Variants in CCDC146 observed in about 807,000 individuals in gnomAD.
CCDC146 encodes the protein coiled-coil domain-containing protein 146.
CCDC146 carries 92 observed loss-of-function variants against 119.3 expected under a neutral mutation model. That is an observed-to-expected ratio of 0.77 (90% CI 0.65 to 0.92). The LOEUF is 0.92. Ranked by LOEUF, CCDC146 falls within the 40% of genes least tolerant of loss-of-function variation. The pLI is 0.00. For missense variants in CCDC146, 1,000 were observed against 1,103.0 expected (o/e 0.91, Z 1.32); for synonymous variants, 372 against 371.8 (o/e 1.00, Z -0.01).
At chr7:77,208,514 T>A (rs560882990) in intron 2 of CCDC146, among the ~76,000 whole-genome samples, 1 of 152,328 alleles carries the variant, frequency 6.6e-6, no homozygotes, top group Admixed American at 6.5e-5. Context: ...GATATTATAA[T>A]CTTATGGCAC....
chr7:77,295,134 G>A lies in CCDC146; in HGVS notation c.*268G>A. 1 of 326,276 alleles carries A rather than the reference G, an allele frequency of 3.1e-6. No individual in the cohort carries two copies. Among genetic ancestry groups the A allele is most frequent in the Non-Finnish European group, 5.6e-6 (1 of 177,328 alleles). The allele number at this position is 326,276 out of a possible 1,614,324, so 20.2% of individuals were successfully genotyped here. The stretch of plus-strand genomic sequence containing the variant: ...TTTTCTTTTTCACTCTTTATATTGA[G>A]TACATTCCAGAAATTTGTAGTAGGC... On this transcript the variant is annotated 3_prime_UTR_variant, in exon 19 of 19. Coordinates refer to ENST00000285871, the MANE Select transcript of CCDC146 (RefSeq NM_020879.3).
Position 77,241,096 on chromosome 7 carries a change from C to T in CCDC146, c.240-595C>T, listed in dbSNP as rs1447499081. Among the ~76,000 whole-genome samples, 4 of 94,754 alleles carry T rather than the reference C, an allele frequency of 4.2e-5. No individual in the cohort carries two copies. The East Asian group carries it at 1.3e-3, about 31-fold the overall frequency. The allele number at this position is 94,754 out of a possible 152,430, so 62.2% of individuals were successfully genotyped here. On this transcript the variant is annotated intron_variant, in intron 3 of 18. Coordinates refer to ENST00000285871, the MANE Select transcript of CCDC146 (RefSeq NM_020879.3). ...CGGCTGAGATGGAGTCTCACTCTGT[C>T]GCCCAGGCGGGAGTGCAGTGGCTCA...
chr7:77,294,572 G>T, intron 18 of CCDC146, 91 bp from the exon 19 acceptor site: 2 of 1,275,160 alleles, frequency 1.6e-6, no homozygotes, highest in South Asian at 1.3e-5. Context: ...GTCAAAGACT[G>T]TCCAGACCAG....
chr7:77,260,800 T>A (rs1249256350), intron 8 of CCDC146, among the ~76,000 whole-genome samples: 1 of 152,092 alleles, frequency 6.6e-6, no homozygotes, highest in Non-Finnish European at 1.5e-5. Flanking sequence ...CTAATTTTTT[T>A]TTTTCTTCTC....
intron 3 of CCDC146, 27 bp downstream of exon 3, chr7:77,237,056 T>C: frequency 1.3e-6 from 2 of 1,566,026 alleles, no homozygotes; most frequent in Non-Finnish European, 1.8e-6. Flanking sequence ...TATGGAGACA[T>C]GATTAATCAC....
chr7:77,264,846 A>C (rs1197095587), intron 9 of CCDC146, among the ~76,000 whole-genome samples: 1 of 152,194 alleles, frequency 6.6e-6, no homozygotes, highest in Admixed American at 6.5e-5. Flanking sequence ...GATATGCATC[A>C]GTTAGTTTTA....
At chr7:77,157,013 A>C (rs529896418) in intron 1 of CCDC146, among the ~76,000 whole-genome samples, 17 of 136,780 alleles carry the variant, frequency 1.2e-4, no homozygotes, top group African/African-American at 5.1e-4. Context: ...TTAACATGTT[A>C]GGAAACTAAA....
At chr7:77,251,132 C>T (rs958062375) in intron 4 of CCDC146, among the ~76,000 whole-genome samples, 1 of 151,958 alleles carries the variant, frequency 6.6e-6, no homozygotes, top group African/African-American at 2.4e-5. Context: ...AGATAATCTC[C>T]TGCCTCAGCT....
intron 1 of CCDC146, among the ~76,000 whole-genome samples, chr7:77,141,256 T>C (rs1480595724): frequency 6.6e-6 from 1 of 152,222 alleles, no homozygotes; most frequent in African/African-American, 2.4e-5. Context: ...AACTCATCCT[T>C]TTTTATGGCT....
At chr7:77,259,145 T>C (rs78249150) in intron 7 of CCDC146, 77 bp downstream of exon 7, 9,079 of 815,824 alleles carry the variant, frequency 0.011, 150 homozygotes, top group Non-Finnish European at 9.3e-3. Context: ...GTACTAACCA[T>C]TGGACACATT....
chr7:77,162,776 A>G (rs544370001), intron 1 of CCDC146, among the ~76,000 whole-genome samples: 2 of 152,126 alleles, frequency 1.3e-5, no homozygotes, highest in South Asian at 4.2e-4. Flanking sequence ...ATAACATGGG[A>G]TACCTTTCCA....
chr7:77,270,338 C>T lies in CCDC146; in HGVS notation c.1174-3356C>T, dbSNP rs1270718360. Among the ~76,000 whole-genome samples the T allele has an allele frequency of 4.5e-4, 67 of 148,224 alleles. No individual in the cohort carries two copies. The East Asian group carries it at 9.2e-3, about 20-fold the overall frequency. ...GAAGCAGATTTTTTTTTTTTTTTTA[C>T]TTTACACATTTCTGTTGTTTGGTCA... On this transcript the variant is annotated intron_variant, in intron 9 of 18. Coordinates refer to ENST00000285871, the MANE Select transcript of CCDC146 (RefSeq NM_020879.3).
chr7:77,209,557 C>G (rs144062103), intron 2 of CCDC146, among the ~76,000 whole-genome samples: 3,816 of 152,296 alleles, frequency 0.025, 145 homozygotes, highest in East Asian at 0.14. Context: ...GACGATGGCC[C>G]TCTTCTCACA....
At chr7:77,285,320 T>C (rs1793829394) in intron 15 of CCDC146, among the ~76,000 whole-genome samples, 1 of 152,232 alleles carries the variant, frequency 6.6e-6, no homozygotes, top group Non-Finnish European at 1.5e-5. Flanking sequence ...CATTAAGTAT[T>C]GTTAATAATA....
chr7:77,125,286 A>G (rs1017045676), intron 1 of CCDC146, among the ~76,000 whole-genome samples: 38 of 148,518 alleles, frequency 2.6e-4, no homozygotes, highest in African/African-American at 9.7e-4. Flanking sequence ...ACATATCTTG[A>G]TATGGGAAAT....
intron 4 of CCDC146, among the ~76,000 whole-genome samples, chr7:77,250,876 C>T (rs965366292): frequency 1.4e-5 from 2 of 145,578 alleles, no homozygotes; most frequent in Non-Finnish European, 3.0e-5. Flanking sequence ...AAGATATCCT[C>T]AAGCTCAGAG....
At chr7:77,151,254 T>C (rs1450996640) in intron 1 of CCDC146, among the ~76,000 whole-genome samples, 3 of 152,038 alleles carry the variant, frequency 2.0e-5, no homozygotes, top group East Asian at 1.9e-4. Flanking sequence ...TACCTTCACA[T>C]TGGGATTAAA....
At chr7:77,251,124 A>G (rs35393463) in intron 4 of CCDC146, among the ~76,000 whole-genome samples, 17,751 of 151,600 alleles carry the variant, frequency 0.12, 1,210 homozygotes, top group Non-Finnish European at 0.16. Context: ...CAGGTTCAAG[A>G]TAATCTCCTG....
intron 15 of CCDC146, among the ~76,000 whole-genome samples, chr7:77,284,641 A>C (rs1328699416): frequency 6.6e-6 from 1 of 151,758 alleles, no homozygotes; most frequent in Admixed American, 6.6e-5. Context: ...TCTTAGAAAA[A>C]AAATTGTCAT....
Sources: gnomAD v4.1 joint callset for allele counts (sites outside exome capture counted in the v4.1 genomes callset) on GRCh38, gnomAD v4.1.1 for gene constraint, MANE v1.5 for transcripts, NCBI Gene and HGNC (gene_info 2026-07-23, HGNC 2026-07-21) for gene names.